TM9SF2: variants seen among roughly 807,000 people sequenced by gnomAD.
TM9SF2 encodes transmembrane 9 superfamily member 2.
Under a neutral mutation model 84.9 loss-of-function variants are expected in TM9SF2, and 13 were observed. The observed-to-expected ratio is 0.15, with a 90% CI of 0.10 to 0.24. TM9SF2 has a LOEUF of 0.24. TM9SF2 is among the 10% of genes least tolerant of loss of function. The probability of loss-of-function intolerance (pLI) is 1.00; values close to 1 mark genes in which losing one functional copy is unlikely to be tolerated. For missense variants in TM9SF2, 562 were observed against 818.5 expected, an observed-to-expected ratio of 0.69 and a Z score of 3.82; for synonymous variants, 273 against 285.8, an observed-to-expected ratio of 0.96 and a Z score of 0.45.
intron 1 of TM9SF2, among the ~76,000 whole-genome samples, chr13:99,502,304 C>G (rs374888586): frequency 3.4e-4 from 52 of 152,304 alleles, no homozygotes; most frequent in East Asian, 2.7e-3. Context: ...CTTGTTCTTT[C>G]TAGGACTTTG....
chr13:99,538,316 C>T (rs1278710553), intron 6 of TM9SF2, among the ~76,000 whole-genome samples: 1 of 152,024 alleles, frequency 6.6e-6, no homozygotes, highest in Non-Finnish European at 1.5e-5. Flanking sequence ...GAGATCTCTT[C>T]AACTTATTAT....
chr13:99,558,664 T>C (rs2139114263), intron 15 of TM9SF2, among the ~76,000 whole-genome samples: 1 of 152,308 alleles, frequency 6.6e-6, no homozygotes, highest in Admixed American at 6.5e-5. Context: ...AAACCGACTT[T>C]TGTATGTTGA....
At chr13:99,562,639 A>G in intron 16 of TM9SF2, 52 bp from the exon 17 acceptor site, 1 of 1,562,214 alleles carries the variant, frequency 6.4e-7, no homozygotes, top group Non-Finnish European at 8.7e-7. Context: ...TTTTTGTGTA[A>G]AGTATGAAAC....
In TM9SF2 at chr13:99,520,214, C is replaced by T. The variant is rs192022997; in HGVS notation, c.333+85C>T. The T allele has an allele frequency of 6.0e-6, 7 of 1,168,240 alleles. No individual in the cohort carries two copies. In the East Asian group the frequency reaches 1.7e-4, roughly 29 times the overall value. 72.4% of individuals were successfully genotyped at this position (1,168,240 alleles called of 1,614,324 possible). A position where few individuals can be genotyped will look rare whatever the true frequency, so the allele number is the denominator to read the frequency against. ...GAAAAGCCTGAGATAACTCAGCTAT[C>T]ATTGCTAAGGAGGAGTTCATTTCTC... On this transcript the variant is annotated intron_variant, in intron 3 of 16. Coordinates refer to ENST00000376387, the MANE Select transcript of TM9SF2 (RefSeq NM_004800.3).
intron 1 of TM9SF2, among the ~76,000 whole-genome samples, chr13:99,510,170 C>G (rs1393078023): frequency 6.6e-6 from 1 of 152,180 alleles, no homozygotes; most frequent in East Asian, 1.9e-4. Context: ...TCATTTCCAT[C>G]TCAGACCTCA....
chr13:99,515,514 A>G (rs2046130058), intron 1 of TM9SF2, among the ~76,000 whole-genome samples: 2 of 152,294 alleles, frequency 1.3e-5, no homozygotes, highest in South Asian at 4.1e-4. Flanking sequence ...GCCACATATG[A>G]TGCTGTTGTC....
At chr13:99,522,239 T>G (rs888978231) in intron 3 of TM9SF2, among the ~76,000 whole-genome samples, 3 of 152,184 alleles carry the variant, frequency 2.0e-5, no homozygotes, top group Non-Finnish European at 4.4e-5. Context: ...CAAGCTAGTC[T>G]CAAACTCTTG....
chr13:99,537,720 T>C lies in TM9SF2; in HGVS notation c.592-19T>C, dbSNP rs2046240588. 1 of 1,583,646 alleles carries C rather than the reference T, an allele frequency of 6.3e-7. No homozygotes were observed. The highest frequency in any genetic ancestry group is 8.5e-7 in the Non-Finnish European group (1 of 1,171,456). ...TGTAGTCAGTTTTCTACCTTTAACT[T>C]TTAAGTTCTGTTCTGCAGTCAGATT... On this transcript the variant is annotated intron_variant, in intron 5 of 16. Coordinates refer to ENST00000376387, the MANE Select transcript of TM9SF2 (RefSeq NM_004800.3).
chr13:99,545,772 G>A (rs1286631943), intron 10 of TM9SF2, among the ~76,000 whole-genome samples: 3 of 152,008 alleles, frequency 2.0e-5, no homozygotes, highest in Non-Finnish European at 4.4e-5. Context: ...TCACCATGTT[G>A]TCCAGGATGG....
chr13:99,556,558 T>C (rs2139112344), intron 15 of TM9SF2, among the ~76,000 whole-genome samples: 1 of 149,922 alleles, frequency 6.7e-6, no homozygotes, highest in African/African-American at 2.4e-5. Context: ...ATGGCATGTA[T>C]AGTAGTACTT....
chr13:99,519,109 CTAAGTA>C (rs1566564707), intron 2 of TM9SF2, among the ~76,000 whole-genome samples: 1 of 152,120 alleles, frequency 6.6e-6, no homozygotes, highest in Non-Finnish European at 1.5e-5. Flanking sequence ...ATTCATATAT[CTAAGTA>C]TGTCTAAGAA....
intron 16 of TM9SF2, among the ~76,000 whole-genome samples, chr13:99,561,768 G>A (rs986491939): frequency 6.6e-6 from 1 of 152,160 alleles, no homozygotes; most frequent in East Asian, 1.9e-4. Context: ...TTTATACAAG[G>A]ATTATTTATA....
chr13:99,552,369 C>T (rs901197650), intron 13 of TM9SF2, 43 bp downstream of exon 13: 3 of 1,568,838 alleles, frequency 1.9e-6, no homozygotes, highest in Non-Finnish European at 8.7e-7. Flanking sequence ...ATTTTAGCTG[C>T]AGAAATTAGC....
At chr13:99,562,234 GTTATT>G (rs761075214) in intron 16 of TM9SF2, among the ~76,000 whole-genome samples, 2 of 152,222 alleles carry the variant, frequency 1.3e-5, no homozygotes, top group South Asian at 2.1e-4. Context: ...AACTTACTGA[GTTATT>G]TTATTATAAT....
At chr13:99,555,936 T>G (rs1205958040) in intron 15 of TM9SF2, among the ~76,000 whole-genome samples, 1 of 152,180 alleles carries the variant, frequency 6.6e-6, no homozygotes, top group Non-Finnish European at 1.5e-5. Flanking sequence ...TTAATACTTT[T>G]GTGATACAAA....
intron 7 of TM9SF2, chr13:99,540,455 T>C (rs2139097851): frequency 4.3e-6 from 1 of 230,772 alleles, no homozygotes; most frequent in South Asian, 1.5e-4. Context: ...CATCTAGTTA[T>C]AATTTAAAGC....
intron 1 of TM9SF2, among the ~76,000 whole-genome samples, chr13:99,510,655 A>G (rs538786714): frequency 6.6e-6 from 1 of 152,360 alleles, no homozygotes; most frequent in East Asian, 1.9e-4. Context: ...TCAGGAGGAC[A>G]GCACCAAGAG....
chr13:99,529,127 A>G (rs984412499), intron 3 of TM9SF2, among the ~76,000 whole-genome samples: 1 of 152,174 alleles, frequency 6.6e-6, no homozygotes, highest in African/African-American at 2.4e-5. Context: ...TTCCTAAGAC[A>G]TGACCATGGG....
Position 99,562,809 on chromosome 13 carries a change from A to G in TM9SF2, c.*51A>G. ...CAGAAATAAATTAAACTCTTCATCA[A>G]CAAAGACCTGTTTTTGTGACTGCCT... On this transcript the variant is annotated 3_prime_UTR_variant, in exon 17 of 17. Transcript: ENST00000376387. 1 of 1,565,570 alleles carries G rather than the reference A, an allele frequency of 6.4e-7. No individual in the cohort carries two copies. Among genetic ancestry groups the G allele is most frequent in the Non-Finnish European group, 8.7e-7 (1 of 1,145,256 alleles).
Sources: gnomAD v4.1 joint callset for allele counts (sites outside exome capture counted in the v4.1 genomes callset) on GRCh38, gnomAD v4.1.1 for gene constraint, MANE v1.5 for transcripts, NCBI Gene and HGNC (gene_info 2026-07-23, HGNC 2026-07-21) for gene names.